The following ASTN2 variants were observed in gnomAD, a reference collection of about 807,000 sequenced individuals.
ASTN2 encodes the protein astrotactin-2.
A neutral mutation model predicts 139.8 loss-of-function variants in ASTN2; 54 were observed. The ratio of observed to expected loss-of-function variants is 0.39; its 90% CI spans 0.31 to 0.48. The LOEUF is 0.48. Ranked by LOEUF, ASTN2 falls within the 20% of genes least tolerant of loss-of-function variation. The pLI, the probability that ASTN2 is intolerant of heterozygous loss-of-function variation, is 0.95. For missense variants in ASTN2, 1,565 were observed against 1,725.1 expected (o/e 0.91, Z 1.64); for synonymous variants, 756 against 719.5 (o/e 1.05, Z -0.81).
chr9:117,326,656 T>C (rs752479237), intron 1 of ASTN2, among the ~76,000 whole-genome samples: 1 of 152,100 alleles, frequency 6.6e-6, no homozygotes, highest in South Asian at 2.1e-4. Context: ...AGGATTGAAA[T>C]TGGGGATACG....
intron 2 of ASTN2, among the ~76,000 whole-genome samples, chr9:117,276,233 C>T (rs1834185709): frequency 1.3e-5 from 2 of 152,202 alleles, no homozygotes; most frequent in Non-Finnish European, 2.9e-5. Flanking sequence ...GTTGGCACTA[C>T]TTTACATTTG....
intron 4 of ASTN2, among the ~76,000 whole-genome samples, chr9:117,127,430 T>G (rs1189155500): frequency 6.6e-6 from 1 of 152,150 alleles, no homozygotes; most frequent in Admixed American, 6.5e-5. Context: ...CATAGGTAAT[T>G]TGGAGAAGGC....
At chr9:117,128,394 A>C (rs1829751735) in intron 4 of ASTN2, among the ~76,000 whole-genome samples, 1 of 143,644 alleles carries the variant, frequency 7.0e-6, no homozygotes, top group Admixed American at 6.9e-5. Context: ...AAAAAAAAAA[A>C]AAAAAAGAAA....
chr9:116,767,049 T>A (rs1829830944), intron 13 of ASTN2, among the ~76,000 whole-genome samples: 1 of 151,962 alleles, frequency 6.6e-6, no homozygotes, highest in Admixed American at 6.6e-5. Flanking sequence ...CATACTCACA[T>A]ACTTAAAACA....
chr9:116,856,560 C>A (rs1832747152), intron 11 of ASTN2, among the ~76,000 whole-genome samples: 1 of 152,206 alleles, frequency 6.6e-6, no homozygotes, highest in Non-Finnish European at 1.5e-5. Flanking sequence ...CGGTCTCTCT[C>A]CCCTACTGAA....
chr9:116,721,505 G>C (rs895305019), intron 16 of ASTN2, among the ~76,000 whole-genome samples: 1 of 152,192 alleles, frequency 6.6e-6, no homozygotes, highest in Non-Finnish European at 1.5e-5. Flanking sequence ...AGCATGTAAT[G>C]AAAGTATTAT....
chr9:116,953,710 C>T (rs1329190721), intron 10 of ASTN2, among the ~76,000 whole-genome samples: 1 of 152,218 alleles, frequency 6.6e-6, no homozygotes, highest in Non-Finnish European at 1.5e-5. Context: ...AAGCCCTGCA[C>T]TATGTGCTCA....
intron 17 of ASTN2, among the ~76,000 whole-genome samples, chr9:116,641,135 T>G (rs16933792): frequency 0.024 from 3,613 of 152,238 alleles, 141 homozygotes; most frequent in African/African-American, 0.082. Flanking sequence ...TACTTTTATT[T>G]TATGGTAGGA....
intron 19 of ASTN2, among the ~76,000 whole-genome samples, chr9:116,589,829 G>A (rs1854307745): frequency 6.6e-6 from 1 of 152,190 alleles, no homozygotes; most frequent in Non-Finnish European, 1.5e-5. Flanking sequence ...CCTCCCTCAT[G>A]ATAAGTCCCC....
intron 5 of ASTN2, among the ~76,000 whole-genome samples, chr9:117,093,654 C>A (rs1828761448): frequency 6.6e-6 from 1 of 152,162 alleles, no homozygotes; most frequent in Non-Finnish European, 1.5e-5. Flanking sequence ...AGATCACAGC[C>A]CTTTCATGAA....
intron 5 of ASTN2, among the ~76,000 whole-genome samples, chr9:117,087,129 A>G (rs1244417838): frequency 6.6e-6 from 1 of 152,244 alleles, no homozygotes; most frequent in African/African-American, 2.4e-5. Context: ...AAGCTGCATC[A>G]CAATATCCCC....
chr9:116,812,494 G>C (rs1018768465), intron 12 of ASTN2, among the ~76,000 whole-genome samples: 2 of 152,174 alleles, frequency 1.3e-5, no homozygotes, highest in Non-Finnish European at 2.9e-5. Flanking sequence ...CAAGGAAATA[G>C]ATCTTCCCCT....
intron 15 of ASTN2, 88 bp from the exon 16 acceptor site, chr9:116,726,038 T>A: frequency 7.5e-7 from 1 of 1,334,520 alleles, no homozygotes; most frequent in African/African-American, 1.5e-5. Context: ...CTTCCCAACC[T>A]GTATTTTGTG....
chr9:116,976,621 C>T (rs1453315394), intron 8 of ASTN2, 80 bp downstream of exon 8: 7 of 1,252,906 alleles, frequency 5.6e-6, no homozygotes, highest in South Asian at 1.4e-5. Flanking sequence ...TGTGGAGATG[C>T]TTGGGGCCTC....
At chr9:116,797,389 C>G (rs986813102) in intron 13 of ASTN2, among the ~76,000 whole-genome samples, 15 of 152,026 alleles carry the variant, frequency 9.9e-5, no homozygotes, top group African/African-American at 3.6e-4. Flanking sequence ...CATGGAGCCA[C>G]ACAAAAGAAA....
intron 6 of ASTN2, among the ~76,000 whole-genome samples, chr9:117,027,265 A>G (rs1449664078): frequency 6.6e-6 from 1 of 152,182 alleles, no homozygotes; most frequent in Non-Finnish European, 1.5e-5. Context: ...CTAGCATTTG[A>G]ACCTAGGTAT....
intron 1 of ASTN2, among the ~76,000 whole-genome samples, chr9:117,410,131 C>T (rs925543615): frequency 6.6e-6 from 1 of 152,198 alleles, no homozygotes; most frequent in African/African-American, 2.4e-5. Flanking sequence ...AAAATGTTGA[C>T]AATGAGTGCT....
rs189728515 is a variant in ASTN2 at position 116,806,766 on chromosome 9, A to T, written c.2208-946T>A. On this transcript the variant is annotated intron_variant, in intron 12 of 22. Transcript: ENST00000313400. ...TTCTACCTTAATTCAGTAGGATGCT[A>T]TAAGGTCACATGATACATTGGCCAC... is the stretch of plus-strand genomic sequence containing the variant. Among the ~76,000 whole-genome samples the T allele has an allele frequency of 4.0e-3, 614 of 152,318 alleles. 3 individuals are homozygous for T. Among genetic ancestry groups the T allele is most frequent in the African/African-American group, 0.014 (578 of 41,562 alleles).
chr9:117,073,610 T>A (rs958669520), intron 5 of ASTN2, among the ~76,000 whole-genome samples: 32 of 152,314 alleles, frequency 2.1e-4, no homozygotes, highest in African/African-American at 7.7e-4. Flanking sequence ...CTCCAGCAAT[T>A]ACTGCAGGGT....
Sources: gnomAD v4.1 joint callset for allele counts (sites outside exome capture counted in the v4.1 genomes callset) on GRCh38, gnomAD v4.1.1 for gene constraint, MANE v1.5 for transcripts, NCBI Gene and HGNC (gene_info 2026-07-23, HGNC 2026-07-21) for gene names.